The following GRID2 variants were observed in gnomAD, a reference collection of about 807,000 sequenced individuals.
GRID2 encodes glutamate receptor ionotropic, delta-2.
In GRID2, 33 loss-of-function variants were observed where a neutral mutation model predicts 114.8. The observed-to-expected ratio is 0.29, with a 90% confidence interval of 0.22 to 0.38. The LOEUF is 0.38. Ranked by LOEUF, GRID2 falls within the 10% of genes least tolerant of loss-of-function variation. The pLI, the probability that GRID2 is intolerant of heterozygous loss-of-function variation, is 1.00. For missense variants in GRID2, 1,184 were observed against 1,257.7 expected, an observed-to-expected ratio of 0.94 and a Z score of 0.89; for synonymous variants, 505 against 449.9, an observed-to-expected ratio of 1.12 and a Z score of -1.55.
intron 1 of GRID2, among the ~76,000 whole-genome samples, chr4:92,507,579 AAAT>A (rs1313057837): frequency 1.3e-5 from 2 of 152,010 alleles, no homozygotes; most frequent in Non-Finnish European, 1.5e-5. Context: ...AAAATTTAAA[AAAT>A]AAAAAATCAG....
intron 12 of GRID2, among the ~76,000 whole-genome samples, chr4:93,492,952 C>T (rs1025192960): frequency 2.0e-5 from 3 of 151,758 alleles, no homozygotes; most frequent in Admixed American, 6.6e-5. Flanking sequence ...CCTGCTTCTA[C>T]GAGTTTGACT....
intron 14 of GRID2, among the ~76,000 whole-genome samples, chr4:93,750,334 A>G (rs964482014): frequency 6.6e-6 from 1 of 152,234 alleles, no homozygotes; most frequent in Non-Finnish European, 1.5e-5. Flanking sequence ...GTTTAAAAAT[A>G]TAGATTCCCA....
intron 2 of GRID2, among the ~76,000 whole-genome samples, chr4:92,934,527 GA>G (rs1173550924): frequency 6.9e-6 from 1 of 145,696 alleles, no homozygotes; most frequent in Admixed American, 7.5e-5. Context: ...CACAGAATTG[GA>G]AAAAACTACT....
chr4:92,599,028 C>CT (rs79836874), intron 2 of GRID2, among the ~76,000 whole-genome samples: 2,627 of 115,230 alleles, frequency 0.023, 70 homozygotes, highest in African/African-American at 0.065. Flanking sequence ...AATGCTTTTC[C>CT]TTTTTTTTTT....
At chr4:92,804,234 A>T (rs1055812691) in intron 2 of GRID2, among the ~76,000 whole-genome samples, 2 of 152,052 alleles carry the variant, frequency 1.3e-5, no homozygotes, top group African/African-American at 4.8e-5. Flanking sequence ...AAATAATCTT[A>T]CTATGTTATT....
chr4:92,626,191 C>A (rs1198919851), intron 2 of GRID2, among the ~76,000 whole-genome samples: 1 of 151,960 alleles, frequency 6.6e-6, no homozygotes, highest in Non-Finnish European at 1.5e-5. Flanking sequence ...TGTCACTTAG[C>A]ATGGGGGTAT....
intron 2 of GRID2, among the ~76,000 whole-genome samples, chr4:92,789,939 G>C (rs1486701053): frequency 6.6e-6 from 1 of 151,848 alleles, no homozygotes; most frequent in African/African-American, 2.4e-5. Flanking sequence ...GCCAGGGAAA[G>C]CTGCCAGTCT....
intron 2 of GRID2, among the ~76,000 whole-genome samples, chr4:93,037,111 G>A (rs914672742): frequency 5.3e-5 from 8 of 151,948 alleles, no homozygotes; most frequent in African/African-American, 9.7e-5. Context: ...ATTTTACTTC[G>A]AAGATCAGCA....
At chr4:93,166,904 C>T (rs1312974902) in intron 4 of GRID2, among the ~76,000 whole-genome samples, 1 of 152,114 alleles carries the variant, frequency 6.6e-6, no homozygotes, top group Non-Finnish European at 1.5e-5. Flanking sequence ...GATTTGGGCT[C>T]CACTAAGCAG....
At chr4:93,009,438 A>G (rs748769038) in intron 2 of GRID2, among the ~76,000 whole-genome samples, 11 of 152,148 alleles carry the variant, frequency 7.2e-5, no homozygotes, top group Non-Finnish European at 1.5e-4. Context: ...TTCCTTTTGT[A>G]ATAAAACATA....
At chr4:92,471,644 TAAACAA>T (rs549899131) in intron 1 of GRID2, among the ~76,000 whole-genome samples, 2 of 152,200 alleles carry the variant, frequency 1.3e-5, no homozygotes, top group African/African-American at 4.8e-5. Context: ...TATACTAACT[TAAACAA>T]ATTTAAATTG....
chr4:93,441,102 A>T (rs1015346202), intron 10 of GRID2, among the ~76,000 whole-genome samples: 7 of 152,096 alleles, frequency 4.6e-5, no homozygotes, highest in Admixed American at 1.3e-4. Context: ...CTGACAACTT[A>T]AGGATAGATA....
chr4:93,437,059 C>T (rs1721159184), intron 10 of GRID2, among the ~76,000 whole-genome samples: 1 of 151,920 alleles, frequency 6.6e-6, no homozygotes, highest in South Asian at 2.1e-4. Context: ...TACTTGTCAT[C>T]AATAATAGAT....
chr4:93,221,201 GTAA>G (rs1744833925), intron 6 of GRID2, among the ~76,000 whole-genome samples: 1 of 152,128 alleles, frequency 6.6e-6, no homozygotes, highest in South Asian at 2.1e-4. Context: ...GATCACATCT[GTAA>G]TAATGTGTCA....
chr4:92,823,524 C>T (rs774332324), intron 2 of GRID2, among the ~76,000 whole-genome samples: 39 of 152,134 alleles, frequency 2.6e-4, no homozygotes, highest in African/African-American at 7.0e-4. Flanking sequence ...GATGGCAACA[C>T]GGGTCTGTTT....
At chr4:92,713,519 T>A (rs866927274) in intron 2 of GRID2, among the ~76,000 whole-genome samples, 93 of 81,320 alleles carry the variant, frequency 1.1e-3, no homozygotes, top group Non-Finnish European at 1.8e-3. Flanking sequence ...ATATATATAT[T>A]ACCAAAATTA....
chr4:93,105,488 G>A (rs1232495392), intron 3 of GRID2, among the ~76,000 whole-genome samples: 1 of 152,076 alleles, frequency 6.6e-6, no homozygotes, highest in Non-Finnish European at 1.5e-5. Flanking sequence ...TTTTGTATAA[G>A]GTGTAAGGAA....
intron 2 of GRID2, among the ~76,000 whole-genome samples, chr4:92,613,106 T>C (rs951324383): frequency 1.3e-5 from 2 of 151,418 alleles, no homozygotes; most frequent in African/African-American, 2.4e-5. Flanking sequence ...CTAATACTCA[T>C]AGTTTGTTGA....
chr4:93,017,034 A>G lies in GRID2; in HGVS notation c.245-67961A>G, dbSNP rs1578760139. 2.6e-5 allele frequency among the ~76,000 whole-genome samples: 4 copies of G among 152,206 alleles called. 1 individual carries two copies. In the South Asian group the frequency reaches 8.3e-4, roughly 32 times the overall value. On this transcript the variant is annotated intron_variant, in intron 2 of 15. Coordinates refer to ENST00000282020, the MANE Select transcript of GRID2 (RefSeq NM_001510.4). ...GGTGGAAATGTCTAGTTGAAGGGAT[A>G]AAAACTGAAAATTATCAATAATGAA...
Sources: allele counts gnomAD v4.1 joint callset (sites outside exome capture counted in the v4.1 genomes callset), GRCh38; gene constraint gnomAD v4.1.1; transcripts MANE v1.5; gene names NCBI Gene and HGNC (gene_info 2026-07-23, HGNC 2026-07-21).